CTNNA2: variants seen among roughly 807,000 people sequenced by gnomAD.
CTNNA2 encodes the protein catenin alpha 2.
Under a neutral mutation model 101.0 loss-of-function variants are expected in CTNNA2, and 42 were observed. The observed-to-expected ratio is 0.42, with a 90% CI of 0.32 to 0.54. CTNNA2 has a LOEUF of 0.54. Ranked by LOEUF, CTNNA2 falls within the 20% of genes least tolerant of loss-of-function variation. The pLI is 0.14. For synonymous variants in CTNNA2, 450 were observed against 456.4 expected (o/e 0.99, Z 0.18); for missense variants, 871 against 1,223.1 (o/e 0.71, Z 4.29).
chr2:80,232,968 C>T (rs1335724059), intron 7 of CTNNA2, among the ~76,000 whole-genome samples: 1 of 152,154 alleles, frequency 6.6e-6, no homozygotes, highest in East Asian at 1.9e-4. Flanking sequence ...TTCCATTTCA[C>T]TTGCTGGTTA....
Position 80,303,928 on chromosome 2 carries a change from A to G in CTNNA2, c.1057-89283A>G. The stretch of plus-strand genomic sequence containing the variant: ...AGGGGAAGCGGGGGAGGGGGAGAAA[A>G]GGGCAAAAAATCAAATAAATACATA... On this transcript the variant is annotated intron_variant, in intron 7 of 18. Coordinates refer to ENST00000402739, the MANE Select transcript of CTNNA2 (RefSeq NM_001282597.3). This position sits in a 1 kb window ranked among gnomAD's most constrained non-coding sequence, Gnocchi z 7.7. 1 of 1,325,318 alleles carries G rather than the reference A, an allele frequency of 7.5e-7. No homozygotes were observed. The allele number at this position is 1,325,318 out of a possible 1,614,324, so 82.1% of individuals were successfully genotyped here. A position where few individuals can be genotyped will look rare whatever the true frequency, so the allele number is the denominator to read the frequency against.
Position 80,178,611 on chromosome 2 carries a change from T to C in CTNNA2, c.1057-214600T>C, listed in dbSNP as rs182311817. Among the ~76,000 whole-genome samples, 355 of 152,224 alleles carry C rather than the reference T, an allele frequency of 2.3e-3. 3 individuals are homozygous for C. The highest frequency in any genetic ancestry group is 7.9e-3 in the African/African-American group (328 of 41,534). The stretch of plus-strand genomic sequence containing the variant: ...GCAGTGTGGACCTGTTGCAGAGCCT[T>C]CTCCTGTTCTGGACCCCACTCAAAA... On this transcript the variant is annotated intron_variant, in intron 7 of 18. Coordinates refer to ENST00000402739, the MANE Select transcript of CTNNA2 (RefSeq NM_001282597.3).
intron 9 of CTNNA2, among the ~76,000 whole-genome samples, chr2:80,476,671 G>A (rs1685752533): frequency 6.6e-6 from 1 of 152,092 alleles, no homozygotes; most frequent in Admixed American, 6.6e-5. Flanking sequence ...GCTCACAGAC[G>A]GGTTTACTGA....
chr2:79,701,636 G>A lies in CTNNA2; in HGVS notation c.103-42751G>A, dbSNP rs533374889. On this transcript the variant is annotated intron_variant, in intron 2 of 18. Coordinates refer to ENST00000402739, the MANE Select transcript of CTNNA2 (RefSeq NM_001282597.3). Reference sequence around the variant, plus strand: ...GCATATTGAAGGGGCCTCAAGCCCAGTCATGAGGGAGACCGGAAGGCATCT... The same window carrying A: ...GCATATTGAAGGGGCCTCAAGCCCAATCATGAGGGAGACCGGAAGGCATCT... Among the ~76,000 whole-genome samples, 4 of 152,342 alleles carry A rather than the reference G, an allele frequency of 2.6e-5. No individual in the cohort carries two copies. The South Asian group carries it at 8.3e-4, about 32-fold the overall frequency.
At chr2:80,064,814 T>G (rs568028494) in intron 7 of CTNNA2, among the ~76,000 whole-genome samples, 1 of 152,282 alleles carries the variant, frequency 6.6e-6, no homozygotes, top group East Asian at 1.9e-4. Flanking sequence ...TGGCTAAGTA[T>G]AGAATTGAGG....
intron 7 of CTNNA2, among the ~76,000 whole-genome samples, chr2:80,150,907 A>G (rs938490721): frequency 3.3e-5 from 5 of 152,192 alleles, no homozygotes; most frequent in Non-Finnish European, 4.4e-5. Flanking sequence ...GGTCGTGGGC[A>G]GGTAAGCTGC....
intron 3 of CTNNA2, among the ~76,000 whole-genome samples, chr2:79,828,538 A>T (rs970915404): frequency 6.6e-6 from 1 of 152,216 alleles, no homozygotes; most frequent in Non-Finnish European, 1.5e-5. Flanking sequence ...AGAATACTGG[A>T]AAAACTTACA....
intron 17 of CTNNA2, among the ~76,000 whole-genome samples, chr2:80,615,767 G>A (rs911593782): frequency 3.3e-5 from 5 of 151,616 alleles, no homozygotes; most frequent in African/African-American, 1.2e-4. Context: ...ATATGACTTT[G>A]AGTGCAGCCC....
rs185305114 is a variant in CTNNA2 at position 79,613,179 on chromosome 2, G to A, written c.-5-38373G>A. 0.012 allele frequency among the ~76,000 whole-genome samples: 1,604 copies of A among 138,648 alleles called. 69 individuals carry two copies. The East Asian group carries it at 0.12, about 11-fold the overall frequency. 91.0% of individuals were successfully genotyped at this position (138,648 alleles called of 152,430 possible). A position where few individuals can be genotyped will look rare whatever the true frequency, so the allele number is the denominator to read the frequency against. On this transcript the variant is annotated intron_variant, in intron 1 of 18. Coordinates refer to ENST00000402739, the MANE Select transcript of CTNNA2 (RefSeq NM_001282597.3). ...AACGTTCAGAGCAAAAAAAAAAAAC[G>A]ATGTTTGTTTACATACATGCTGAGT...
chr2:80,427,207 C>T (rs1559101019), intron 9 of CTNNA2, among the ~76,000 whole-genome samples: 1 of 152,236 alleles, frequency 6.6e-6, no homozygotes, highest in East Asian at 1.9e-4. Context: ...ATTTCTATAG[C>T]ACAGTTGTAG....
chr2:79,742,327 A>AT (rs935248666), intron 2 of CTNNA2, among the ~76,000 whole-genome samples: 39 of 150,766 alleles, frequency 2.6e-4, no homozygotes, highest in African/African-American at 5.6e-4. Flanking sequence ...TCTCCACCCT[A>AT]TTTTTTTTTA....
chr2:79,707,385 A>G (rs1028303698), intron 2 of CTNNA2, among the ~76,000 whole-genome samples: 1 of 152,142 alleles, frequency 6.6e-6, no homozygotes, highest in Non-Finnish European at 1.5e-5. Flanking sequence ...TTCTGAGGGC[A>G]TGTCTGTGTG....
intron 1 of CTNNA2, among the ~76,000 whole-genome samples, chr2:79,581,843 A>C (rs2103907344): frequency 6.6e-6 from 1 of 152,358 alleles, no homozygotes; most frequent in South Asian, 2.1e-4. Flanking sequence ...ATGTTATGCT[A>C]ACTTTCACAT....
At chr2:79,632,442 C>T (rs535676659) in intron 1 of CTNNA2, among the ~76,000 whole-genome samples, 57 of 152,038 alleles carry the variant, frequency 3.7e-4, no homozygotes, top group Non-Finnish European at 6.9e-4. Context: ...TTCTGTTTAT[C>T]GACAAATAGC....
At chr2:79,332,448 C>A (rs1676896558) in intron 3 of CTNNA2, among the ~76,000 whole-genome samples, 1 of 152,136 alleles carries the variant, frequency 6.6e-6, no homozygotes, top group Admixed American at 6.6e-5. Context: ...ATAAGAATGG[C>A]ATGAAAGGTG....
chr2:79,935,068 A>G (rs1574351460), intron 7 of CTNNA2, among the ~76,000 whole-genome samples: 1 of 152,250 alleles, frequency 6.6e-6, no homozygotes, highest in Non-Finnish European at 1.5e-5. Flanking sequence ...TATCTCCTTG[A>G]CGGACACCCA....
At chr2:79,728,910 G>T (rs1237960654) in intron 2 of CTNNA2, among the ~76,000 whole-genome samples, 1 of 152,014 alleles carries the variant, frequency 6.6e-6, no homozygotes, top group African/African-American at 2.4e-5. Flanking sequence ...ATTTTCTGAG[G>T]GCTCTGTTCT....
chr2:80,008,133 T>C (rs1363498423), intron 7 of CTNNA2, among the ~76,000 whole-genome samples: 1 of 152,224 alleles, frequency 6.6e-6, no homozygotes, highest in Non-Finnish European at 1.5e-5. Flanking sequence ...CAGGAACAGA[T>C]GGAAAATCTG....
rs1312873169 is a variant in CTNNA2 at position 80,302,275 on chromosome 2, C to T, written c.1057-90936C>T. ...ATCACACCTCGCATTCCCTCGCGGG[C>T]TGCTGGTGGCAGGTACACGAGCCAT... On this transcript the variant is annotated intron_variant, in intron 7 of 18. Coordinates refer to ENST00000402739, the MANE Select transcript of CTNNA2 (RefSeq NM_001282597.3). This position sits in a 1 kb window ranked among gnomAD's most constrained non-coding sequence, Gnocchi z 6.4. The T allele has an allele frequency of 6.2e-7, 1 of 1,613,794 alleles. No homozygotes were observed. Among genetic ancestry groups the T allele is most frequent in the Non-Finnish European group, 8.5e-7 (1 of 1,179,810 alleles).
Sources: allele counts gnomAD v4.1 joint callset (sites outside exome capture counted in the v4.1 genomes callset), GRCh38; gene constraint gnomAD v4.1.1; non-coding constraint Gnocchi (gnomAD v3.1); transcripts MANE v1.5; gene names NCBI Gene and HGNC (gene_info 2026-07-23, HGNC 2026-07-21).